Variants in IL1RAPL2 observed in about 807,000 individuals in gnomAD.
The protein encoded by IL1RAPL2 is interleukin 1 receptor accessory protein like 2.
IL1RAPL2 carries 3 observed loss-of-function variants against 44.1 expected under a neutral mutation model. The ratio of observed to expected loss-of-function variants is 0.07; its 90% CI spans 0.03 to 0.18. IL1RAPL2 has a LOEUF of 0.18. Among genes scored for constraint, IL1RAPL2 ranks in the 10% least tolerant of loss-of-function variants. The pLI, the probability that IL1RAPL2 is intolerant of heterozygous loss-of-function variation, is 1.00. For missense variants in IL1RAPL2, 391 were observed against 496.4 expected, an observed-to-expected ratio of 0.79 and a Z score of 2.02; for synonymous variants, 181 against 178.8, an observed-to-expected ratio of 1.01 and a Z score of -0.10.
chrX:105,507,785 A>G (rs182078592), intron 6 of IL1RAPL2, among the ~76,000 whole-genome samples: 206 of 112,008 alleles, frequency 1.8e-3, no homozygotes, highest in African/African-American at 5.6e-3. Flanking sequence ...ACCACTTAGC[A>G]TATGCTTAGG....
At chrX:105,292,719 T>G in intron 5 of IL1RAPL2, among the ~76,000 whole-genome samples, 1 of 111,604 alleles carries the variant, frequency 9.0e-6, no homozygotes, top group South Asian at 3.7e-4. Flanking sequence ...TTTAAGTAAA[T>G]TATTAAATAT....
In IL1RAPL2 at chrX:104,653,728, C is replaced by T. The variant is rs193282335; in HGVS notation, c.-19-5167C>T. 6.2e-3 allele frequency among the ~76,000 whole-genome samples: 693 copies of T among 111,276 alleles called. 2 individuals carry two copies. Among genetic ancestry groups the T allele is most frequent in the Middle Eastern group, 0.018 (4 of 217 alleles). ...CCAAGCACTTGATATCACCCTGTTA[C>T]TCTTATATTCTGGGTAAGGCTCTAT... On this transcript the variant is annotated intron_variant, in intron 1 of 10. Transcript: ENST00000372582.
At chrX:105,579,691 A>G (rs2037074660) in intron 6 of IL1RAPL2, among the ~76,000 whole-genome samples, 1 of 111,703 alleles carries the variant, frequency 9.0e-6, no homozygotes, top group South Asian at 3.8e-4. Context: ...ATAAAGAACT[A>G]AGGCCCAAAG....
At chrX:105,200,345 A>C (rs1436545901) in intron 3 of IL1RAPL2, among the ~76,000 whole-genome samples, 3 of 112,145 alleles carry the variant, frequency 2.7e-5, no homozygotes, top group Admixed American at 9.4e-5. Context: ...GGCCAGACTC[A>C]AGAGTGATTA....
intron 6 of IL1RAPL2, among the ~76,000 whole-genome samples, chrX:105,510,841 A>G (rs2036464443): frequency 1.8e-5 from 2 of 111,591 alleles, no homozygotes; most frequent in Admixed American, 1.9e-4. Context: ...AGTCCTGCCA[A>G]CACTTGATTT....
chrX:105,150,807 G>T (rs982512111), intron 2 of IL1RAPL2, among the ~76,000 whole-genome samples: 1 of 111,552 alleles, frequency 9.0e-6, no homozygotes, highest in African/African-American at 3.3e-5. Flanking sequence ...ATCACCACAC[G>T]TGACAAACAG....
chrX:104,672,162 T>A (rs1231052464), intron 2 of IL1RAPL2, among the ~76,000 whole-genome samples: 1 of 111,016 alleles, frequency 9.0e-6, no homozygotes, highest in Non-Finnish European at 1.9e-5. Flanking sequence ...GTTAGTTACA[T>A]GTTACATATG....
intron 2 of IL1RAPL2, among the ~76,000 whole-genome samples, chrX:104,885,114 G>A (rs1364954014): frequency 8.9e-6 from 1 of 112,034 alleles, no homozygotes; most frequent in Non-Finnish European, 1.9e-5. Flanking sequence ...TTGGAGAGAT[G>A]TCATGCTATT....
chrX:104,608,865 G>A lies in IL1RAPL2; in HGVS notation c.-20+41814G>A, dbSNP rs1929082006. ...CCCATTTACATTTAAGGTTGATATT[G>A]TTATGTGTGTGAATTTGGTCCTGTC... On this transcript the variant is annotated intron_variant, in intron 1 of 10. Coordinates refer to ENST00000372582, the MANE Select transcript of IL1RAPL2 (RefSeq NM_017416.2). 2.7e-5 allele frequency among the ~76,000 whole-genome samples: 3 copies of A among 110,791 alleles called. No homozygotes were observed. In the South Asian group the frequency reaches 1.1e-3, roughly 42 times the overall value.
chrX:105,153,222 A>G (rs1243132378), intron 2 of IL1RAPL2, among the ~76,000 whole-genome samples: 1 of 112,433 alleles, frequency 8.9e-6, no homozygotes, highest in Non-Finnish European at 1.9e-5. Context: ...TGTGAACTAG[A>G]TTATGTGCTA....
intron 2 of IL1RAPL2, among the ~76,000 whole-genome samples, chrX:105,151,588 T>C (rs1290321795): frequency 9.1e-6 from 1 of 110,290 alleles, no homozygotes; most frequent in Non-Finnish European, 1.9e-5. Flanking sequence ...AGGAGATAAT[T>C]CAACTAAAAG....
At chrX:104,728,091 T>C (rs1156673855) in intron 2 of IL1RAPL2, among the ~76,000 whole-genome samples, 1 of 110,571 alleles carries the variant, frequency 9.0e-6, no homozygotes, top group Non-Finnish European at 1.9e-5. Context: ...TTGTAGCCCC[T>C]AAATCTATAA....
At chrX:104,591,441 C>T (rs1928663301) in intron 1 of IL1RAPL2, among the ~76,000 whole-genome samples, 1 of 111,766 alleles carries the variant, frequency 8.9e-6, no homozygotes. Context: ...CTGTAAGTCA[C>T]AAGGCATTTT....
intron 5 of IL1RAPL2, among the ~76,000 whole-genome samples, chrX:105,369,431 T>C (rs922196753): frequency 3.6e-5 from 4 of 111,038 alleles, no homozygotes; most frequent in Non-Finnish European, 7.5e-5. Context: ...GTTATTGCCT[T>C]GAGTAAGGTG....
chrX:104,986,085 C>T (rs1412301200), intron 2 of IL1RAPL2, among the ~76,000 whole-genome samples: 3 of 112,248 alleles, frequency 2.7e-5, no homozygotes, highest in Admixed American at 9.5e-5. Context: ...TCTACCTCTT[C>T]TCTAAAAGTT....
intron 2 of IL1RAPL2, among the ~76,000 whole-genome samples, chrX:104,799,622 A>G (rs1361672208): frequency 8.9e-6 from 1 of 112,204 alleles, no homozygotes; most frequent in Non-Finnish European, 1.9e-5. Context: ...AAACAGAACT[A>G]AATGTTTCCA....
At chrX:105,422,498 A>C (rs1377464879) in intron 5 of IL1RAPL2, among the ~76,000 whole-genome samples, 2 of 112,464 alleles carry the variant, frequency 1.8e-5, no homozygotes, top group Non-Finnish European at 3.8e-5. Flanking sequence ...AGAGGAAAAC[A>C]GATTGTTATT....
At chrX:105,354,559 A>G (rs1213813567) in intron 5 of IL1RAPL2, among the ~76,000 whole-genome samples, 2 of 109,392 alleles carry the variant, frequency 1.8e-5, no homozygotes, top group Non-Finnish European at 3.8e-5. Context: ...TTAAATGACG[A>G]GTTGATGGGT....
chrX:105,546,811 A>C (rs2036805025), intron 6 of IL1RAPL2, among the ~76,000 whole-genome samples: 1 of 112,349 alleles, frequency 8.9e-6, no homozygotes, highest in Admixed American at 9.5e-5. Flanking sequence ...TTTGAAGTCT[A>C]ACACCCAATA....
Sources: gnomAD v4.1 joint callset for allele counts (sites outside exome capture counted in the v4.1 genomes callset) on GRCh38, gnomAD v4.1.1 for gene constraint, MANE v1.5 for transcripts, NCBI Gene and HGNC (gene_info 2026-07-23, HGNC 2026-07-21) for gene names.